The following DPP8 variants were observed in gnomAD, a reference collection of about 807,000 sequenced individuals.
DPP8 encodes the protein DPP VIII.
DPP8 carries 31 observed loss-of-function variants against 107.5 expected under a neutral mutation model. The observed-to-expected ratio is 0.29, with a 90% CI of 0.22 to 0.39. The LOEUF (loss-of-function observed/expected upper bound fraction) is 0.39, where lower values mean the gene tolerates loss of function less well. DPP8 is among the 10% of genes least tolerant of loss of function. DPP8 has a pLI of 1.00. For missense variants in DPP8, 842 were observed against 1,076.1 expected (o/e 0.78, Z 3.04); for synonymous variants, 381 against 356.6 (o/e 1.07, Z -0.77).
At chr15:65,481,868 C>T (rs1172244317) in intron 8 of DPP8, among the ~76,000 whole-genome samples, 1 of 152,030 alleles carries the variant, frequency 6.6e-6, no homozygotes, top group Non-Finnish European at 1.5e-5. Context: ...TTGATACTAA[C>T]AGAACACTTG....
intron 19 of DPP8, among the ~76,000 whole-genome samples, chr15:65,449,887 T>C (rs1412656905): frequency 1.3e-5 from 2 of 152,178 alleles, no homozygotes; most frequent in Admixed American, 1.3e-4. Context: ...TTTTTCTCAG[T>C]AAATTATTTT....
intron 3 of DPP8, 77 bp from the exon 4 acceptor site, chr15:65,500,856 C>T (rs956871118): frequency 1.1e-6 from 1 of 888,322 alleles, no homozygotes; most frequent in African/African-American, 1.7e-5. Context: ...ATCCTAGAAT[C>T]TCCAACATTA....
chr15:65,448,867 T>A (rs1308150962), intron 19 of DPP8, among the ~76,000 whole-genome samples: 7 of 5,456 alleles, frequency 1.3e-3, no homozygotes, highest in Admixed American at 4.4e-3. Flanking sequence ...ATATCTAAAA[T>A]ATATATATAT....
At position 65,452,111 on chromosome 15, in the gene DPP8, G is replaced by A. The variant is rs752209169; in HGVS notation, c.2272-9C>T. The A allele has an allele frequency of 5.0e-6, 8 of 1,598,306 alleles. No individual in the cohort carries two copies. The highest frequency in any genetic ancestry group is 6.8e-6 in the Non-Finnish European group (8 of 1,174,876). On this transcript the variant is annotated splice_polypyrimidine_tract_variant and intron_variant, in intron 17 of 19. Transcript: ENST00000300141. Reference sequence around the variant, plus strand: ...GCCCCAGCAATAGCAACCTGCATAAGATGACATTGACAGTCAAGTGTGGTC... The same window carrying A: ...GCCCCAGCAATAGCAACCTGCATAAAATGACATTGACAGTCAAGTGTGGTC...
intron 15 of DPP8, among the ~76,000 whole-genome samples, chr15:65,462,657 G>A (rs647450): frequency 0.063 from 9,642 of 151,902 alleles, 317 homozygotes; most frequent in African/African-American, 0.093. Flanking sequence ...TCGGCTCACC[G>A]CAACCTCTGA....
chr15:65,467,226 G>T lies in DPP8; in HGVS notation c.1537-3C>A. The T allele has an allele frequency of 3.1e-6, 5 of 1,613,890 alleles. No homozygotes were observed. Among genetic ancestry groups the T allele is most frequent in the South Asian group, 1.1e-5 (1 of 91,010 alleles). On this transcript the variant is annotated splice_polypyrimidine_tract_variant and splice_region_variant and intron_variant, in intron 12 of 19. Coordinates refer to ENST00000300141, the MANE Select transcript of DPP8 (RefSeq NM_130434.5). Reference sequence around the variant, plus strand: ...CTTCTGACTTCATCAACTTGGATCTGACAAGATAACAACAATAACAAAATC... The same window carrying T: ...CTTCTGACTTCATCAACTTGGATCTTACAAGATAACAACAATAACAAAATC...
chr15:65,503,080 C>T (rs568999320), intron 3 of DPP8, among the ~76,000 whole-genome samples: 2 of 152,092 alleles, frequency 1.3e-5, no homozygotes, highest in South Asian at 4.2e-4. Context: ...CACAGAATAC[C>T]CAAAACAATC....
intron 7 of DPP8, among the ~76,000 whole-genome samples, chr15:65,486,112 CA>C (rs571508497): frequency 8.5e-6 from 1 of 117,792 alleles, no homozygotes; most frequent in East Asian, 3.0e-4. Flanking sequence ...AAAAACAACA[CA>C]AAAAAAACGG....
rs774059634 is a variant in DPP8 at position 65,480,372 on chromosome 15, G to A, written c.1146C>T (p.Ser382=). The A allele has an allele frequency of 6.2e-7, 1 of 1,613,016 alleles. No individual in the cohort carries two copies. The highest frequency in any genetic ancestry group is 8.5e-7 in the Non-Finnish European group (1 of 1,179,582). Residue 382 remains serine, a synonymous_variant, in exon 10 of 20, where the codon TCC becomes TCT. Coordinates refer to ENST00000300141, the MANE Select transcript of DPP8 (RefSeq NM_130434.5). The stretch of plus-strand genomic sequence containing the variant: ...TCAACACTATCTGTAGGCGAGTCTG[G>A]GAGCGATCTAGTAGGATGGACCAAG... ...KYAWSILLDR[S]QTRLQIVLIS...
At chr15:65,508,056 G>A (rs1422168398) in intron 2 of DPP8, among the ~76,000 whole-genome samples, 1 of 151,794 alleles carries the variant, frequency 6.6e-6, no homozygotes, top group African/African-American at 2.4e-5. Flanking sequence ...TGGCCAACAT[G>A]ATGAAACCTT....
chr15:65,505,241 G>C (rs1036247577), intron 3 of DPP8, among the ~76,000 whole-genome samples: 2 of 151,866 alleles, frequency 1.3e-5, no homozygotes, highest in South Asian at 2.1e-4. Flanking sequence ...TGTAGTCCCA[G>C]CTACTAGGTA....
In DPP8 at chr15:65,461,244, A is replaced by G. The variant is rs530964754; in HGVS notation, c.1971+2517T>C. Among the ~76,000 whole-genome samples, 814 of 152,216 alleles carry G rather than the reference A, an allele frequency of 5.3e-3. 2 individuals are homozygous for G. Among genetic ancestry groups the G allele is most frequent in the Non-Finnish European group, 8.9e-3 (608 of 68,018 alleles). On this transcript the variant is annotated intron_variant, in intron 15 of 19. Coordinates refer to ENST00000300141, the MANE Select transcript of DPP8 (RefSeq NM_130434.5). ...ACTGCAACCTCGAACTCCTGGGCTC[A>G]GGGGATCCTCCTGCCTCAGCCTCTT... is the stretch of plus-strand genomic sequence containing the variant.
chr15:65,512,624 C>A (rs766786632), intron 1 of DPP8, 60 bp from the exon 2 acceptor site: 2 of 1,564,156 alleles, frequency 1.3e-6, no homozygotes, highest in East Asian at 2.3e-5. Context: ...CAGAATGATT[C>A]TCTGAGAGGG....
At chr15:65,456,184 T>G in intron 16 of DPP8, 41 bp downstream of exon 16, 1 of 1,591,804 alleles carries the variant, frequency 6.3e-7, no homozygotes, top group Non-Finnish European at 8.5e-7. Flanking sequence ...GACCAGAAAA[T>G]GTAAATGTCT....
At chr15:65,454,141 A>T in intron 17 of DPP8, 122 bp downstream of exon 17, 1 of 757,362 alleles carries the variant, frequency 1.3e-6, no homozygotes, top group Non-Finnish European at 1.8e-6. Context: ...CGTCTCAAAA[A>T]AAAAAAAAAA....
intron 3 of DPP8, among the ~76,000 whole-genome samples, chr15:65,503,840 G>A (rs2069564446): frequency 6.6e-6 from 1 of 151,682 alleles, no homozygotes; most frequent in Non-Finnish European, 1.5e-5. Flanking sequence ...GGCCAGAGTG[G>A]TCTTGAACTC....
intron 1 of DPP8, 177 bp from the exon 2 acceptor site, chr15:65,512,741 G>A (rs1455337478): frequency 3.2e-6 from 2 of 622,618 alleles, no homozygotes; most frequent in South Asian, 4.3e-5. Flanking sequence ...TCTGTGTTCA[G>A]TTTAAAAATG....
At chr15:65,510,015 C>T (rs539818559) in intron 2 of DPP8, among the ~76,000 whole-genome samples, 1 of 151,250 alleles carries the variant, frequency 6.6e-6, no homozygotes, top group African/African-American at 2.4e-5. Context: ...AGTGAGACCG[C>T]CATCTCAAAA....
In DPP8 at chr15:65,512,274, A is replaced by C. The variant is rs756562861; in HGVS notation, c.259+21T>G. 3 of 1,580,674 alleles carry C rather than the reference A, an allele frequency of 1.9e-6. No homozygotes were observed. In the African/African-American group the frequency reaches 4.1e-5, roughly 21 times the overall value. On this transcript the variant is annotated intron_variant, in intron 2 of 19. Transcript: ENST00000300141. ...GACTTAAGAGATCATTTTCTCTCAG[A>C]AACTACAACTTCGTACTCACCAAGG...
Sources: gnomAD v4.1 joint callset for allele counts (sites outside exome capture counted in the v4.1 genomes callset) on GRCh38, gnomAD v4.1.1 for gene constraint, MANE v1.5 for transcripts, NCBI Gene and HGNC (gene_info 2026-07-23, HGNC 2026-07-21) for gene names.